TBC1D7: variants seen among roughly 807,000 people sequenced by gnomAD.
TBC1D7 encodes TBC1 domain family member 7, also known as TBC domain family 7.
In TBC1D7, 33 loss-of-function variants were observed where a neutral mutation model predicts 35.3. The observed-to-expected ratio is 0.93, with a 90% CI of 0.71 to 1.25. The LOEUF is 1.25. TBC1D7 is among the 50% of genes most tolerant of loss of function. The probability of loss-of-function intolerance (pLI) is 0.00; values close to 1 mark genes in which losing one functional copy is unlikely to be tolerated. For missense variants in TBC1D7, 362 were observed against 365.3 expected, an observed-to-expected ratio of 0.99 and a Z score of 0.07; for synonymous variants, 135 against 129.5, an observed-to-expected ratio of 1.04 and a Z score of -0.29.
At chr6:13,325,631 G>A (rs915379111) in intron 2 of TBC1D7, among the ~76,000 whole-genome samples, 14 of 152,118 alleles carry the variant, frequency 9.2e-5, no homozygotes, top group African/African-American at 3.4e-4. Flanking sequence ...CCACTGCACT[G>A]CAGCCTGGGC....
intron 6 of TBC1D7, 171 bp from the exon 7 acceptor site, chr6:13,306,698 G>T: frequency 2.1e-6 from 1 of 474,924 alleles, no homozygotes; most frequent in Non-Finnish European, 3.6e-6. Context: ...GAAGCCATTT[G>T]AAATCTATTC....
chr6:13,308,158 AG>A (rs1436348387), intron 5 of TBC1D7, among the ~76,000 whole-genome samples: 2 of 152,320 alleles, frequency 1.3e-5, no homozygotes, highest in East Asian at 1.9e-4. Context: ...TAAGGAAAAA[AG>A]GGGGAAAGAG....
At chr6:13,310,243 T>C (rs975860066) in intron 5 of TBC1D7, among the ~76,000 whole-genome samples, 1 of 152,236 alleles carries the variant, frequency 6.6e-6, no homozygotes, top group Non-Finnish European at 1.5e-5. Flanking sequence ...ACACTGTGTA[T>C]AACAAACAGC....
At chr6:13,305,689 T>A (rs1782759791) in intron 7 of TBC1D7, 1 of 178,734 alleles carries the variant, frequency 5.6e-6, no homozygotes, top group Non-Finnish European at 1.2e-5. Flanking sequence ...TGAAAATCAT[T>A]CAGGCATAAG....
At chr6:13,320,684 T>C in intron 4 of TBC1D7, 1 of 659,274 alleles carries the variant, frequency 1.5e-6, no homozygotes, top group East Asian at 2.7e-5. Context: ...TTTCTGGAAG[T>C]TTGAAATTAC....
chr6:13,317,425 T>C (rs1783711230), intron 4 of TBC1D7, among the ~76,000 whole-genome samples: 1 of 152,234 alleles, frequency 6.6e-6, no homozygotes. Flanking sequence ...TAGGATTTAA[T>C]AGCTGAAGGA....
chr6:13,316,093 G>T (rs1783589699), intron 5 of TBC1D7, among the ~76,000 whole-genome samples: 1 of 152,218 alleles, frequency 6.6e-6, no homozygotes, highest in Admixed American at 6.5e-5. Flanking sequence ...GGAGCAGAAT[G>T]GCAGCAGTCT....
Position 13,306,521 on chromosome 6 carries a change from C to A in TBC1D7, c.672G>T (p.Trp224Cys), listed in dbSNP as rs1324026596. Reference protein sequence around the residue: ...CLPESSLQRVWDKVVSGSCKI... With the variant: ...CLPESSLQRVCDKVVSGSCKI... Reference sequence around the variant, plus strand: ...TACAGGATCCACTCACAACTTTATCCCAAACCCTACAAAAATAAGGAGATA... The same window carrying A: ...TACAGGATCCACTCACAACTTTATCACAAACCCTACAAAAATAAGGAGATA... The change falls in exon 7 of 8, where the codon TGG becomes TGT. Residue 224 changes from tryptophan to cysteine, a missense_variant. By Grantham distance (215) the Trp-to-Cys change is radical (BLOSUM62 -2). Transcript: ENST00000379300. The A allele has an allele frequency of 6.3e-7, 1 of 1,588,792 alleles. No individual in the cohort carries two copies. The highest frequency in any genetic ancestry group is 8.5e-7 in the Non-Finnish European group (1 of 1,170,716).
intron 4 of TBC1D7, chr6:13,318,342 G>A (rs1016665551): frequency 4.6e-5 from 7 of 152,248 alleles, no homozygotes; most frequent in South Asian, 2.1e-4. Flanking sequence ...TCAGAAGCAC[G>A]TCTGCCTGAG....
intron 5 of TBC1D7, among the ~76,000 whole-genome samples, chr6:13,313,338 T>A (rs1178868678): frequency 2.6e-5 from 4 of 152,194 alleles, no homozygotes; most frequent in Non-Finnish European, 5.9e-5. Context: ...CATTTCACTA[T>A]CAGATGGATA....
Position 13,321,075 on chromosome 6 carries a change from C to T in TBC1D7, c.214G>A (p.Glu72Lys). 2 of 1,612,938 alleles carry T rather than the reference C, an allele frequency of 1.2e-6. No individual in the cohort carries two copies. Among genetic ancestry groups the T allele is most frequent in the South Asian group, 1.1e-5 (1 of 90,994 alleles). ...TACATCATCACCTTGGCATGGGACTCGTGGTGTGGAGGCAAGATTCCTAGA... is the reference window on the plus strand; with the variant it reads ...TACATCATCACCTTGGCATGGGACTTGTGGTGTGGAGGCAAGATTCCTAGA... ...VLLGILPPHH[E>K]SHAKVMMYRK... is the part of the protein sequence containing the mutation. The change falls in exon 4 of 8, where the codon GAG becomes AAG. Residue 72 changes from glutamate (E) to lysine (K), a missense_variant. Physicochemically the swap from Glu to Lys is moderately conservative, Grantham distance 56. Coordinates refer to ENST00000379300, the MANE Select transcript of TBC1D7 (RefSeq NM_016495.6).
chr6:13,305,165 G>GC lies in TBC1D7; in HGVS notation c.817dup (p.Ala273GlyfsTer8). 3 of 1,614,096 alleles carry GC rather than the reference G, an allele frequency of 1.9e-6. No homozygotes were observed. The highest frequency in any genetic ancestry group is 2.5e-6 in the Non-Finnish European group (3 of 1,180,006). ...CAAGTCAATGGCCTTGCTCACGATC[G>GC]CGTCTGAGCTGTCCTGGGGAATCTG... On this transcript the variant is annotated frameshift_variant, in exon 8 of 8. Transcript: ENST00000379300. LOFTEE classifies it high-confidence loss of function.
chr6:13,307,627 C>T lies in TBC1D7; in HGVS notation c.638G>A (p.Gly213Glu), dbSNP rs1251641708. ...CTGTAAACTGGATTCAGGCAAACAT[C>T]CCGCAAAGCACCTCTTGAACCAGAG... is the stretch of plus-strand genomic sequence containing the variant. ...YDLWFKRCFAGCLPESSLQRV... is the reference protein window; with the variant it reads ...YDLWFKRCFAECLPESSLQRV... The change falls in exon 6 of 8, where the codon GGA becomes GAA. Residue 213 changes from glycine (G) to glutamate (E), a missense_variant. Physicochemically the swap from Gly to Glu is moderately conservative, Grantham distance 98 (BLOSUM62 -2). Coordinates refer to ENST00000379300, the MANE Select transcript of TBC1D7 (RefSeq NM_016495.6). 1 of 1,614,150 alleles carries T rather than the reference C, an allele frequency of 6.2e-7. No homozygotes were observed. The highest frequency in any genetic ancestry group is 8.5e-7 in the Non-Finnish European group (1 of 1,180,022).
chr6:13,315,252 C>A (rs1584545079), intron 5 of TBC1D7, among the ~76,000 whole-genome samples: 1 of 152,166 alleles, frequency 6.6e-6, no homozygotes, highest in Non-Finnish European at 1.5e-5. Flanking sequence ...TCCTTCCCTC[C>A]CTCCTCCTGC....
rs1413376325 is a variant in TBC1D7, at chr6:13,307,610, T to C, written c.655A>G (p.Ser219Gly). The C allele has an allele frequency of 6.2e-7, 1 of 1,614,012 alleles. No individual in the cohort carries two copies. Among genetic ancestry groups the C allele is most frequent in the African/African-American group, 1.3e-5 (1 of 74,922 alleles). Residue 219 changes from serine to glycine, a missense_variant, in exon 6 of 8, where the codon AGT (serine) becomes GGT (glycine). Ser to Gly is a moderately conservative substitution (Grantham distance 56). Coordinates refer to ENST00000379300, the MANE Select transcript of TBC1D7 (RefSeq NM_016495.6). ...RCFAGCLPES[S>G]LQRVWDKVVS... is the part of the protein sequence containing the mutation. Reference sequence around the variant, plus strand: ...GAAAGACCTACTTGCCTCTGTAAACTGGATTCAGGCAAACATCCCGCAAAG... The same window carrying C: ...GAAAGACCTACTTGCCTCTGTAAACCGGATTCAGGCAAACATCCCGCAAAG...
In TBC1D7 at chr6:13,325,177, A is replaced by C. The variant is rs773892811; in HGVS notation, c.113-3T>G. ...AAAAGTACAAAGTTTCTCAGTATCT[A>C]GAGGAAGAAGAAAACAATTGTTAGA... On this transcript the variant is annotated splice_polypyrimidine_tract_variant and splice_region_variant and intron_variant, in intron 2 of 7. Coordinates refer to ENST00000379300, the MANE Select transcript of TBC1D7 (RefSeq NM_016495.6). 3.7e-6 allele frequency: 6 copies of C among 1,606,982 alleles called. No individual in the cohort carries two copies. Among genetic ancestry groups the C allele is most frequent in the Non-Finnish European group, 5.1e-6 (6 of 1,174,220 alleles).
chr6:13,306,911 T>G (rs183139321), intron 6 of TBC1D7: 1 of 154,964 alleles, frequency 6.5e-6, no homozygotes, highest in African/African-American at 2.4e-5. Context: ...CAACAAAAGA[T>G]GTATATGAAA....
chr6:13,327,664 GA>G (rs1213426448), intron 1 of TBC1D7: 1 of 152,182 alleles, frequency 6.6e-6, no homozygotes, highest in African/African-American at 2.4e-5. Flanking sequence ...ACGGAAAAAC[GA>G]TTTAAAATCT....
chr6:13,321,902 G>A (rs1273767655), intron 3 of TBC1D7, among the ~76,000 whole-genome samples: 1 of 152,184 alleles, frequency 6.6e-6, no homozygotes, highest in East Asian at 1.9e-4. Context: ...TTTGGGAAAT[G>A]GTGACAATGA....
Sources: allele counts gnomAD v4.1 joint callset (sites outside exome capture counted in the v4.1 genomes callset), GRCh38; gene constraint gnomAD v4.1.1; transcripts MANE v1.5; gene names NCBI Gene and HGNC (gene_info 2026-07-23, HGNC 2026-07-21).